Variants in RNF152 observed in about 807,000 individuals in gnomAD.
RNF152 encodes E3 ubiquitin-protein ligase RNF152.
RNF152 carries 11 observed loss-of-function variants against 12.7 expected under a neutral mutation model. The observed-to-expected ratio is 0.86, with a 90% CI of 0.54 to 1.43. The LOEUF is 1.43. Among genes scored for constraint, RNF152 ranks in the 40% most tolerant of loss-of-function variants. The pLI is 0.00. For synonymous variants in RNF152, 113 were observed against 120.3 expected, an observed-to-expected ratio of 0.94 and a Z score of 0.40; for missense variants, 255 against 274.8, an observed-to-expected ratio of 0.93 and a Z score of 0.51.
chr18:61,893,678 G>A (rs1014337249), upstream of RNF152: 1 of 152,510 alleles, frequency 6.6e-6, no homozygotes, highest in Non-Finnish European at 1.5e-5. Flanking sequence ...GAGAAGGCGC[G>A]AGACAAGGGG....
rs76468101 is a variant in RNF152 at position 61,813,343 on chromosome 18, C to A, written c.*2509G>T. The A allele has an allele frequency of 0.048, 7,331 of 151,456 alleles. 250 individuals carry two copies. Among genetic ancestry groups the A allele is most frequent in the Non-Finnish European group, 0.064 (4,360 of 67,884 alleles). 9.4% of individuals were successfully genotyped at this position (151,456 alleles called of 1,614,324 possible). ...ACACAAGAATGCACACCCCAACAAACAGGTACACAAATAACTGCAAGCAGA... is the reference window on the plus strand; with the variant it reads ...ACACAAGAATGCACACCCCAACAAAAAGGTACACAAATAACTGCAAGCAGA... On this transcript the variant is annotated 3_prime_UTR_variant, in exon 2 of 2. Transcript: ENST00000312828.
chr18:61,818,534 T>A (rs1055682401), intron 1 of RNF152, among the ~76,000 whole-genome samples: 8 of 152,200 alleles, frequency 5.3e-5, no homozygotes, highest in African/African-American at 1.9e-4. Context: ...TACTTTAAAA[T>A]ACATTAGCTA....
chr18:61,868,013 G>C (rs548941798), intron 1 of RNF152, among the ~76,000 whole-genome samples: 2 of 152,128 alleles, frequency 1.3e-5, no homozygotes, highest in Non-Finnish European at 2.9e-5. Context: ...AGAACTTAAC[G>C]AGCCTCCTAG....
At chr18:61,826,202 G>T (rs1365147506) in intron 1 of RNF152, among the ~76,000 whole-genome samples, 3 of 152,136 alleles carry the variant, frequency 2.0e-5, no homozygotes, top group Admixed American at 1.3e-4. Flanking sequence ...GAAGACTTGT[G>T]GGGCATCCCT....
chr18:61,850,915 G>C (rs1347105937), intron 1 of RNF152, among the ~76,000 whole-genome samples: 1 of 151,980 alleles, frequency 6.6e-6, no homozygotes, highest in Non-Finnish European at 1.5e-5. Context: ...GGCTAGTGCA[G>C]CTCTGGGCAC....
At chr18:61,883,091 G>T (rs1248994418) in intron 1 of RNF152, among the ~76,000 whole-genome samples, 1 of 152,184 alleles carries the variant, frequency 6.6e-6, no homozygotes, top group Non-Finnish European at 1.5e-5. Context: ...ATGAGTGATG[G>T]AAGGGCCCAG....
intron 1 of RNF152, among the ~76,000 whole-genome samples, chr18:61,845,377 G>A (rs142942188): frequency 6.6e-5 from 10 of 152,268 alleles, no homozygotes; most frequent in East Asian, 3.9e-4. Context: ...CAGAACTCTC[G>A]CCAAGCCCAC....
At chr18:61,871,962 A>G (rs1256313914) in intron 1 of RNF152, among the ~76,000 whole-genome samples, 2 of 152,202 alleles carry the variant, frequency 1.3e-5, no homozygotes, top group African/African-American at 2.4e-5. Context: ...ATTGCTATAA[A>G]GAAACACTTA....
At chr18:61,867,647 A>G (rs1443465309) in intron 1 of RNF152, among the ~76,000 whole-genome samples, 1 of 152,146 alleles carries the variant, frequency 6.6e-6, no homozygotes, top group Non-Finnish European at 1.5e-5. Flanking sequence ...ACCCAGGGTG[A>G]ACCGTATGTA....
At chr18:61,827,223 T>G (rs1244479328) in intron 1 of RNF152, among the ~76,000 whole-genome samples, 1 of 152,338 alleles carries the variant, frequency 6.6e-6, no homozygotes, top group Non-Finnish European at 1.5e-5. Context: ...TAAATTTCGA[T>G]TTGGCCAGGT....
intron 1 of RNF152, among the ~76,000 whole-genome samples, chr18:61,820,940 G>T (rs1284566821): frequency 2.0e-5 from 3 of 152,124 alleles, no homozygotes; most frequent in African/African-American, 7.2e-5. Flanking sequence ...CAGGGATGAT[G>T]GAGTTGTGGC....
At chr18:61,832,238 G>T (rs1428076769) in intron 1 of RNF152, among the ~76,000 whole-genome samples, 4 of 152,174 alleles carry the variant, frequency 2.6e-5, no homozygotes, top group African/African-American at 9.7e-5. Flanking sequence ...TCATTCTAAA[G>T]CATTTCAGAT....
chr18:61,887,688 T>C (rs28563112), intron 1 of RNF152, among the ~76,000 whole-genome samples: 110,051 of 146,194 alleles, frequency 0.75, 41,665 homozygotes, highest in African/African-American at 0.87. Flanking sequence ...GGTGACAGAG[T>C]GAGACTCCAT....
intron 1 of RNF152, among the ~76,000 whole-genome samples, chr18:61,842,958 G>A (rs573398651): frequency 2.0e-5 from 3 of 152,174 alleles, no homozygotes; most frequent in Non-Finnish European, 4.4e-5. Context: ...TTTGGGTGGG[G>A]ACACAGAGCC....
rs762371552 is a variant in RNF152 at position 61,816,389 on chromosome 18, G to T, written c.75C>A (p.Pro25=). 18 of 1,614,016 alleles carry T rather than the reference G, an allele frequency of 1.1e-5. No individual in the cohort carries two copies. The highest frequency in any genetic ancestry group is 1.6e-4 in the Middle Eastern group (1 of 6,084). The change falls in exon 2 of 2, where the codon CCC becomes CCA. Residue 25 remains proline, a synonymous_variant. Transcript: ENST00000312828. The part of the protein sequence containing the change: ...CFNYYSPRRR[P]KLLDCKHTCC... ...AGGTGTGCTTGCAGTCCAGCAACTT[G>T]GGCCTGCGCCGGGGGCTGTAGTAAT...
intron 1 of RNF152, among the ~76,000 whole-genome samples, chr18:61,826,529 A>T (rs890183210): frequency 5.3e-5 from 8 of 152,040 alleles, no homozygotes; most frequent in African/African-American, 1.4e-4. Flanking sequence ...TAATCCTTAC[A>T]TTCATCTGGG....
intron 1 of RNF152, among the ~76,000 whole-genome samples, chr18:61,855,407 C>CA (rs1236195876): frequency 1.3e-5 from 2 of 152,268 alleles, no homozygotes; most frequent in Non-Finnish European, 2.9e-5. Flanking sequence ...GGGGGAGGCG[C>CA]AGCCAGGACT....
rs903842058 is a variant in RNF152 at position 61,808,551 on chromosome 18, C to T, written c.*7301G>A. ...GGGCCAGAGAACCCACCGCTAAAGC[C>T]GTAGGGTGGGAGGAACCCTGGATTG... is the stretch of plus-strand genomic sequence containing the variant. On this transcript the variant is annotated 3_prime_UTR_variant, in exon 2 of 2. Coordinates refer to ENST00000312828, the MANE Select transcript of RNF152 (RefSeq NM_173557.3). The T allele has an allele frequency of 1.3e-5, 2 of 152,038 alleles. No homozygotes were observed. Among genetic ancestry groups the T allele is most frequent in the African/African-American group, 4.8e-5 (2 of 41,372 alleles). 9.4% of individuals were successfully genotyped at this position (152,038 alleles called of 1,614,324 possible).
In RNF152 at chr18:61,816,268, C is replaced by T. The variant is rs370262709; in HGVS notation, c.196G>A (p.Val66Met). 50 of 1,614,210 alleles carry T rather than the reference C, an allele frequency of 3.1e-5. No homozygotes were observed. In the African/African-American group the frequency reaches 5.1e-4, roughly 16 times the overall value. Reference sequence around the variant, plus strand: ...TCCGGGTCGTCCGGGAGCTGCGACACGGAGAAGCCGGGAGGCAGCTTGGTG... The same window carrying T: ...TCCGGGTCGTCCGGGAGCTGCGACATGGAGAAGCCGGGAGGCAGCTTGGTG... ...GVTKLPPGFS[V>M]SQLPDDPEVL... is the part of the protein sequence containing the mutation. Residue 66 changes from valine (V) to methionine (M), a missense_variant, in exon 2 of 2, where the codon GTG becomes ATG. Physicochemically the swap from Val to Met is conservative, Grantham distance 21 (BLOSUM62 1). Transcript: ENST00000312828.
Sources: gnomAD v4.1 joint callset for allele counts (sites outside exome capture counted in the v4.1 genomes callset) on GRCh38, gnomAD v4.1.1 for gene constraint, MANE v1.5 for transcripts, NCBI Gene and HGNC (gene_info 2026-07-23, HGNC 2026-07-21) for gene names.